Variants in FCHSD2 observed in about 807,000 individuals in gnomAD.
The protein encoded by FCHSD2 is FCH and double SH3 domains 2.
Under a neutral mutation model 108.1 loss-of-function variants are expected in FCHSD2, and 38 were observed. That is an observed-to-expected ratio of 0.35 (90% CI 0.27 to 0.46). FCHSD2 has a LOEUF of 0.46. Among genes scored for constraint, FCHSD2 ranks in the 20% least tolerant of loss-of-function variants. The probability of loss-of-function intolerance (pLI) is 1.00; values close to 1 mark genes in which losing one functional copy is unlikely to be tolerated. For synonymous variants in FCHSD2, 279 were observed against 314.7 expected, an observed-to-expected ratio of 0.89 and a Z score of 1.20; for missense variants, 751 against 897.8, an observed-to-expected ratio of 0.84 and a Z score of 2.09.
intron 5 of FCHSD2, among the ~76,000 whole-genome samples, chr11:72,999,062 C>A (rs554985167): frequency 2.0e-4 from 31 of 152,248 alleles, no homozygotes; most frequent in African/African-American, 7.5e-4. Flanking sequence ...AATTCTAATA[C>A]CATCATTTGA....
intron 5 of FCHSD2, among the ~76,000 whole-genome samples, chr11:72,996,922 A>G (rs2135413152): frequency 6.6e-6 from 1 of 152,336 alleles, no homozygotes; most frequent in South Asian, 2.1e-4. Context: ...CATTTGTTGA[A>G]TCATGGTATA....
intron 3 of FCHSD2, among the ~76,000 whole-genome samples, chr11:73,031,092 A>G (rs1858349858): frequency 6.6e-6 from 1 of 152,172 alleles, no homozygotes; most frequent in Non-Finnish European, 1.5e-5. Context: ...TTCATCCAGA[A>G]TATGTTAAGT....
At chr11:73,079,388 C>T (rs950572913) in intron 3 of FCHSD2, among the ~76,000 whole-genome samples, 2 of 151,690 alleles carry the variant, frequency 1.3e-5, no homozygotes, top group South Asian at 4.2e-4. Flanking sequence ...TTAGTAGAGA[C>T]GGGGTTTCAC....
intron 9 of FCHSD2, among the ~76,000 whole-genome samples, chr11:72,902,919 T>C (rs1855556089): frequency 6.6e-6 from 1 of 152,146 alleles, no homozygotes; most frequent in African/African-American, 2.4e-5. Context: ...AGCAAGAAGA[T>C]AGTTTTTACA....
At chr11:72,911,370 T>C (rs1190123199) in intron 9 of FCHSD2, among the ~76,000 whole-genome samples, 2 of 152,214 alleles carry the variant, frequency 1.3e-5, no homozygotes, top group African/African-American at 4.8e-5. Flanking sequence ...TACCATGCTG[T>C]TTTGGTTACT....
At chr11:73,097,911 C>A (rs1029729077) in intron 2 of FCHSD2, among the ~76,000 whole-genome samples, 19 of 152,052 alleles carry the variant, frequency 1.2e-4, no homozygotes, top group African/African-American at 4.6e-4. Flanking sequence ...TGGGCTCAAG[C>A]GATCCTCCTG....
intron 2 of FCHSD2, among the ~76,000 whole-genome samples, chr11:73,107,015 A>G (rs1484652472): frequency 6.6e-6 from 1 of 151,638 alleles, no homozygotes; most frequent in Non-Finnish European, 1.5e-5. Flanking sequence ...TCACATCTCT[A>G]TTATTTTTTG....
intron 3 of FCHSD2, among the ~76,000 whole-genome samples, chr11:73,070,674 C>T (rs1859415158): frequency 6.6e-6 from 1 of 151,932 alleles, no homozygotes; most frequent in African/African-American, 2.4e-5. Context: ...GATCTGCCCA[C>T]CTTGGCCTCC....
intron 2 of FCHSD2, among the ~76,000 whole-genome samples, chr11:73,090,493 G>A (rs982432413): frequency 6.6e-6 from 1 of 152,014 alleles, no homozygotes; most frequent in Non-Finnish European, 1.5e-5. Context: ...CCAAAGTGCT[G>A]GGATTACAGG....
intron 12 of FCHSD2, among the ~76,000 whole-genome samples, chr11:72,879,606 T>C (rs953059783): frequency 1.3e-5 from 2 of 152,136 alleles, no homozygotes; most frequent in Non-Finnish European, 2.9e-5. Flanking sequence ...GCTAAAAATA[T>C]AACATTTGAA....
At position 72,872,260 on chromosome 11, in the gene FCHSD2, T is replaced by C. The variant is rs116394852; in HGVS notation, c.1147-4234A>G. Among the ~76,000 whole-genome samples, 236 of 147,582 alleles carry C rather than the reference T, an allele frequency of 1.6e-3. 1 individual carries two copies. Among genetic ancestry groups the C allele is most frequent in the African/African-American group, 5.6e-3 (223 of 40,170 alleles). On this transcript the variant is annotated intron_variant, in intron 12 of 19. Transcript: ENST00000409418. ...ATATAGCTCAGGTGACAAAGACCTT[T>C]TGGCACACAACTTTTTTTTTCTTTT...
intron 2 of FCHSD2, among the ~76,000 whole-genome samples, chr11:73,123,100 C>T (rs1244594879): frequency 6.6e-6 from 1 of 152,100 alleles, no homozygotes; most frequent in Non-Finnish European, 1.5e-5. Context: ...ACTATATATA[C>T]ATTAAAGAAG....
rs528118235 is a variant in FCHSD2 at position 72,856,894 on chromosome 11, C to T, written c.1309-7005G>A. On this transcript the variant is annotated intron_variant, in intron 13 of 19. Coordinates refer to ENST00000409418, the MANE Select transcript of FCHSD2 (RefSeq NM_014824.3). ...ATTATATATACTTAGAAGACATTGC[C>T]TTCATATTCTAGGAAAGTTTACAGG... is the stretch of plus-strand genomic sequence containing the variant. Among the ~76,000 whole-genome samples the T allele has an allele frequency of 1.2e-3, 179 of 152,158 alleles. 1 individual carries two copies. The highest frequency in any genetic ancestry group is 4.1e-3 in the African/African-American group (172 of 41,520).
At chr11:73,137,925 A>G (rs1050095456) in intron 2 of FCHSD2, among the ~76,000 whole-genome samples, 1 of 152,234 alleles carries the variant, frequency 6.6e-6, no homozygotes, top group Admixed American at 6.5e-5. Context: ...ACCTTTATCC[A>G]GAAGGCCACA....
intron 2 of FCHSD2, among the ~76,000 whole-genome samples, chr11:73,136,723 T>G (rs1218093905): frequency 6.6e-6 from 1 of 152,066 alleles, no homozygotes; most frequent in African/African-American, 2.4e-5. Flanking sequence ...CTTTACAACT[T>G]AATTCATATA....
At chr11:72,964,657 CCT>C (rs773917873) in intron 8 of FCHSD2, among the ~76,000 whole-genome samples, 1 of 152,314 alleles carries the variant, frequency 6.6e-6, no homozygotes, top group East Asian at 1.9e-4. Flanking sequence ...TCCGAATCTA[CCT>C]CTTTCTCCTT....
chr11:72,934,396 T>C (rs2135331543), intron 8 of FCHSD2, among the ~76,000 whole-genome samples: 1 of 150,948 alleles, frequency 6.6e-6, no homozygotes, highest in Admixed American at 6.6e-5. Context: ...AGCGGCACTA[T>C]CTCGGCTCAC....
chr11:73,008,760 T>C (rs530135705), intron 4 of FCHSD2, among the ~76,000 whole-genome samples: 37 of 152,250 alleles, frequency 2.4e-4, no homozygotes, highest in African/African-American at 8.4e-4. Context: ...TATAAAGATA[T>C]AGTTTGTGTC....
intron 4 of FCHSD2, among the ~76,000 whole-genome samples, chr11:73,008,102 G>T (rs941414956): frequency 2.0e-5 from 3 of 152,126 alleles, no homozygotes; most frequent in Non-Finnish European, 4.4e-5. Context: ...ACTTTGAGAG[G>T]CTGAGGCAGG....
Sources: allele counts gnomAD v4.1 joint callset (sites outside exome capture counted in the v4.1 genomes callset), GRCh38; gene constraint gnomAD v4.1.1; transcripts MANE v1.5; gene names NCBI Gene and HGNC (gene_info 2026-07-23, HGNC 2026-07-21).